Variants in WASF3 observed in about 807,000 individuals in gnomAD.
WASF3 encodes the protein actin-binding protein WASF3.
Under a neutral mutation model 46.6 loss-of-function variants are expected in WASF3, and 11 were observed. The observed-to-expected ratio is 0.24, with a 90% CI of 0.15 to 0.39. WASF3 has a LOEUF of 0.39. Among genes scored for constraint, WASF3 ranks in the 10% least tolerant of loss-of-function variants. WASF3 has a pLI of 1.00. For missense variants in WASF3, 576 were observed against 669.8 expected (o/e 0.86, Z 1.55); for synonymous variants, 242 against 259.7 (o/e 0.93, Z 0.65).
At chr13:26,657,747 A>C (rs773001398) in intron 3 of WASF3, among the ~76,000 whole-genome samples, 6 of 152,250 alleles carry the variant, frequency 3.9e-5, no homozygotes, top group African/African-American at 1.4e-4. Context: ...TGGACTTGCT[A>C]TTGAAAGAGT....
At chr13:26,685,533 T>G (rs1344017868) in intron 9 of WASF3, among the ~76,000 whole-genome samples, 155 bp from the exon 10 acceptor site, 1 of 152,212 alleles carries the variant, frequency 6.6e-6, no homozygotes, top group Non-Finnish European at 1.5e-5. Flanking sequence ...TCATGAAACT[T>G]TTAATATTCC....
the WASF3 span, among the ~76,000 whole-genome samples, chr13:26,548,595 C>T: frequency 6.6e-6 from 1 of 152,228 alleles, no homozygotes; most frequent in Admixed American, 6.5e-5. Flanking sequence ...CAACCCAAGG[C>T]CGTAACACAC....
intron 2 of WASF3, among the ~76,000 whole-genome samples, chr13:26,623,480 CT>C (rs1479803996): frequency 6.6e-6 from 1 of 152,180 alleles, no homozygotes; most frequent in Non-Finnish European, 1.5e-5. Flanking sequence ...GCAAGATCCT[CT>C]GCTTCTGGGA....
chr13:26,614,771 A>G (rs1881080870), intron 2 of WASF3, among the ~76,000 whole-genome samples: 1 of 152,108 alleles, frequency 6.6e-6, no homozygotes, highest in Non-Finnish European at 1.5e-5. Flanking sequence ...GTGTCATCTC[A>G]CCACAGCCTT....
the WASF3 span, among the ~76,000 whole-genome samples, chr13:26,539,511 G>A: frequency 6.6e-6 from 1 of 151,960 alleles, no homozygotes; most frequent in African/African-American, 2.4e-5. Flanking sequence ...TAAGACTCTT[G>A]TGGTAAATAA....
intron 2 of WASF3, chr13:26,641,317 G>T (rs1434125976): frequency 6.6e-6 from 1 of 152,134 alleles, no homozygotes. Context: ...GGAGGGAGAA[G>T]GTTCTGTGGC....
At chr13:26,548,280 A>G in the WASF3 span, among the ~76,000 whole-genome samples, 1 of 152,130 alleles carries the variant, frequency 6.6e-6, no homozygotes, top group Non-Finnish European at 1.5e-5. Context: ...TTTCCTTCCC[A>G]GAAGCTTGAA....
At position 26,618,022 on chromosome 13, in the gene WASF3, C is replaced by G. The variant is rs190106611; in HGVS notation, c.-11+4964C>G. On this transcript the variant is annotated intron_variant, in intron 2 of 9. Transcript: ENST00000335327. The stretch of plus-strand genomic sequence containing the variant: ...TCCCCAGCCACGTGAAACTGTGATT[C>G]AATTAAACCTCTTTCCCTTCTAAAT... Among the ~76,000 whole-genome samples the G allele has an allele frequency of 4.1e-3, 628 of 152,176 alleles. 5 individuals carry two copies. The highest frequency in any genetic ancestry group is 0.021 in the Middle Eastern group (6 of 290).
chr13:26,674,633 T>C (rs1395043590), intron 6 of WASF3, among the ~76,000 whole-genome samples: 1 of 152,246 alleles, frequency 6.6e-6, no homozygotes, highest in Non-Finnish European at 1.5e-5. Context: ...ATTAAAAATG[T>C]ACTTCATTCT....
At chr13:26,628,577 A>G (rs983975607) in intron 2 of WASF3, among the ~76,000 whole-genome samples, 1 of 152,228 alleles carries the variant, frequency 6.6e-6, no homozygotes, top group Non-Finnish European at 1.5e-5. Flanking sequence ...CCTCCTTTGC[A>G]TGAACACAGT....
At position 26,671,926 on chromosome 13, in the gene WASF3, C is replaced by A. The variant is rs751620649; in HGVS notation, c.477C>A (p.Asp159Glu). The change falls in exon 6 of 10, where the codon GAC (aspartate) becomes GAA (glutamate). Residue 159 changes from aspartate (D) to glutamate (E), a missense_variant. Physicochemically the swap from Asp to Glu is conservative, Grantham distance 45 (BLOSUM62 2). This residue lies in a region of WASF3 where 213 missense variants were observed against 278.0 expected (regional missense o/e 0.77). Coordinates refer to ENST00000335327, the MANE Select transcript of WASF3 (RefSeq NM_006646.6). ...ATACTGATCCTTCCTATTTCTTTGACCTCTGGAAAGAAAAAATGCTACAGG... is the reference window on the plus strand; with the variant it reads ...ATACTGATCCTTCCTATTTCTTTGAACTCTGGAAAGAAAAAATGCTACAGG... ...KFYTDPSYFF[D>E]LWKEKMLQDT... is the part of the protein sequence containing the mutation. 1 of 1,610,690 alleles carries A rather than the reference C, an allele frequency of 6.2e-7. No individual in the cohort carries two copies. The highest frequency in any genetic ancestry group is 8.5e-7 in the Non-Finnish European group (1 of 1,179,194).
chr13:26,592,133 T>C (rs904468807), intron 1 of WASF3, among the ~76,000 whole-genome samples: 5 of 151,856 alleles, frequency 3.3e-5, no homozygotes, highest in African/African-American at 1.2e-4. Context: ...TTTAATGAAG[T>C]TCATGATATC....
At chr13:26,562,426 TAGTG>T (rs1420476261) in intron 1 of WASF3, among the ~76,000 whole-genome samples, 2 of 152,022 alleles carry the variant, frequency 1.3e-5, no homozygotes, top group Non-Finnish European at 2.9e-5. Context: ...CAGGATTTAA[TAGTG>T]AGTGAGAGTG....
intron 1 of WASF3, among the ~76,000 whole-genome samples, chr13:26,570,463 T>G (rs1470813090): frequency 1.3e-5 from 2 of 152,316 alleles, no homozygotes; most frequent in Non-Finnish European, 2.9e-5. Context: ...CCAGCCTCAC[T>G]TTTCTAGTTT....
At chr13:26,543,238 C>A in the WASF3 span, among the ~76,000 whole-genome samples, 1,283 of 152,230 alleles carry the variant, frequency 8.4e-3, 19 homozygotes, top group African/African-American at 0.03. Flanking sequence ...TTCTTTTTGG[C>A]TCTCAGGACT....
At position 26,681,285 on chromosome 13, in the gene WASF3, C is replaced by G; in HGVS notation, c.948C>G (p.Ser316=). ...CTCCCCCTCAGGCCCCAGAGGGGTC[C>G]CAGGCCTCTGCACCGATGGCTCCAG... is the stretch of plus-strand genomic sequence containing the variant. The part of the protein sequence containing the change: ...PPPPPQAPEG[S]QASAPMAPAD... Residue 316 remains serine, a synonymous_variant, in exon 8 of 10, where the codon TCC becomes TCG. Coordinates refer to ENST00000335327, the MANE Select transcript of WASF3 (RefSeq NM_006646.6). The G allele has an allele frequency of 1.2e-6, 2 of 1,612,042 alleles. No homozygotes were observed. Among genetic ancestry groups the G allele is most frequent in the East Asian group, 4.5e-5 (2 of 44,856 alleles).
At chr13:26,656,520 A>G (rs1882470830) in intron 3 of WASF3, among the ~76,000 whole-genome samples, 1 of 152,128 alleles carries the variant, frequency 6.6e-6, no homozygotes, top group Non-Finnish European at 1.5e-5. Flanking sequence ...CCATATTACT[A>G]ACAATCTGGC....
intron 3 of WASF3, among the ~76,000 whole-genome samples, chr13:26,644,752 G>A (rs1195427198): frequency 6.6e-6 from 1 of 152,224 alleles, no homozygotes; most frequent in East Asian, 1.9e-4. Context: ...CACCGGTTAG[G>A]CAGAGTTGTG....
chr13:26,604,837 A>G (rs1345335953), intron 1 of WASF3, among the ~76,000 whole-genome samples: 1 of 152,154 alleles, frequency 6.6e-6, no homozygotes, highest in Non-Finnish European at 1.5e-5. Context: ...TGTTTTTGTA[A>G]TCTTTGTGGG....
Sources: allele counts gnomAD v4.1 joint callset (sites outside exome capture counted in the v4.1 genomes callset), GRCh38; gene constraint gnomAD v4.1.1; regional missense constraint gnomAD v4.1.1; transcripts MANE v1.5; gene names NCBI Gene and HGNC (gene_info 2026-07-23, HGNC 2026-07-21).